The following GALNT2 variants were observed in gnomAD, a reference collection of about 807,000 sequenced individuals.
GALNT2 encodes UDP-GalNAc:polypeptide N-acetylgalactosaminyltransferase 2.
Under a neutral mutation model 81.4 loss-of-function variants are expected in GALNT2, and 31 were observed. That is an observed-to-expected ratio of 0.38 (90% CI 0.29 to 0.51). GALNT2 has a LOEUF of 0.51. Among genes scored for constraint, GALNT2 ranks in the 20% least tolerant of loss-of-function variants. The probability of loss-of-function intolerance (pLI) is 0.87; values close to 1 mark genes in which losing one functional copy is unlikely to be tolerated. For synonymous variants in GALNT2, 303 were observed against 287.4 expected (o/e 1.05, Z -0.55); for missense variants, 629 against 765.7 (o/e 0.82, Z 2.11).
At chr1:230,198,476 A>T in intron 2 of GALNT2, among the ~76,000 whole-genome samples, 1 of 70,062 alleles carries the variant, frequency 1.4e-5, no homozygotes, top group Non-Finnish European at 2.8e-5. Flanking sequence ...CAGGGGCAGG[A>T]CAGCAGCCCA....
intron 1 of GALNT2, among the ~76,000 whole-genome samples, chr1:230,176,191 T>C (rs1376678547): frequency 1.3e-5 from 2 of 151,992 alleles, no homozygotes; most frequent in Admixed American, 6.6e-5. Context: ...CTGCACTAGT[T>C]TTATAGTAGG....
intron 15 of GALNT2, among the ~76,000 whole-genome samples, chr1:230,276,720 C>T (rs1341784226): frequency 3.9e-5 from 6 of 152,168 alleles, no homozygotes; most frequent in African/African-American, 1.2e-4. Flanking sequence ...GCTCACAATC[C>T]GCATCTCTAA....
chr1:230,110,606 A>G (rs1322146213), intron 1 of GALNT2, among the ~76,000 whole-genome samples: 3 of 152,122 alleles, frequency 2.0e-5, no homozygotes, highest in Admixed American at 6.5e-5. Context: ...ATACAGTGAT[A>G]ATGCAGAACT....
intron 1 of GALNT2, among the ~76,000 whole-genome samples, chr1:230,071,739 G>C (rs1214844275): frequency 6.6e-6 from 1 of 152,188 alleles, no homozygotes; most frequent in Non-Finnish European, 1.5e-5. Flanking sequence ...GTTGACACAG[G>C]GAGGACAGTA....
At chr1:230,273,741 T>G (rs985331033) in intron 14 of GALNT2, among the ~76,000 whole-genome samples, 2 of 152,200 alleles carry the variant, frequency 1.3e-5, no homozygotes, top group African/African-American at 4.8e-5. Context: ...CTAGCTCAGT[T>G]TTCTCATCTA....
intron 1 of GALNT2, among the ~76,000 whole-genome samples, chr1:230,143,800 T>G (rs777955237): frequency 3.9e-5 from 6 of 152,224 alleles, no homozygotes; most frequent in Non-Finnish European, 8.8e-5. Flanking sequence ...CCCCCAGCTG[T>G]GACAGGCAGA....
intron 2 of GALNT2, among the ~76,000 whole-genome samples, chr1:230,202,676 G>A (rs1663927323): frequency 6.6e-6 from 1 of 152,150 alleles, no homozygotes; most frequent in Non-Finnish European, 1.5e-5. Flanking sequence ...GTTCTTTAGG[G>A]GTTATTTTTT....
At chr1:230,075,682 G>T (rs1038505608) in intron 1 of GALNT2, among the ~76,000 whole-genome samples, 2 of 152,222 alleles carry the variant, frequency 1.3e-5, no homozygotes, top group African/African-American at 2.4e-5. Context: ...TTTCATTCTA[G>T]TGGGGGGCTG....
intron 1 of GALNT2, among the ~76,000 whole-genome samples, chr1:230,102,784 G>A (rs1460155993): frequency 6.6e-5 from 10 of 152,202 alleles, no homozygotes. Flanking sequence ...ATTCTGTGGG[G>A]TAAATAACAG....
At chr1:230,192,185 G>A (rs934154504) in intron 2 of GALNT2, among the ~76,000 whole-genome samples, 1 of 152,252 alleles carries the variant, frequency 6.6e-6, no homozygotes, top group Non-Finnish European at 1.5e-5. Context: ...ACTTAAAAGT[G>A]AGTTGTCGGG....
intron 3 of GALNT2, among the ~76,000 whole-genome samples, chr1:230,232,198 ACACT>A (rs1476149572): frequency 1.3e-5 from 2 of 152,154 alleles, no homozygotes; most frequent in African/African-American, 2.4e-5. Flanking sequence ...GTACATACAC[ACACT>A]CACTCTAACT....
chr1:230,257,023 G>A lies in GALNT2; in HGVS notation c.1136+1679G>A, dbSNP rs1394119209. Among the ~76,000 whole-genome samples, 1 of 152,216 alleles carries A rather than the reference G, an allele frequency of 6.6e-6. No homozygotes were observed. The highest frequency in any genetic ancestry group is 2.4e-5 in the African/African-American group (1 of 41,458). On this transcript the variant is annotated intron_variant, in intron 11 of 15. Coordinates refer to ENST00000366672, the MANE Select transcript of GALNT2 (RefSeq NM_004481.5). This position sits in a 1 kb window ranked among gnomAD's most constrained non-coding sequence, Gnocchi z 4.6. ...AGGAGGAGCAGATCCAGGCTGCTGA[G>A]GTGCGTTTGGCATATCAGCCAAATG...
At chr1:230,061,910 T>C (rs566636475) in intron 1 of GALNT2, among the ~76,000 whole-genome samples, 19 of 152,362 alleles carry the variant, frequency 1.2e-4, no homozygotes, top group African/African-American at 3.8e-4. Flanking sequence ...ACATGTATGT[T>C]TTCTTCTAGT....
At chr1:230,212,917 G>C (rs985407812) in intron 3 of GALNT2, among the ~76,000 whole-genome samples, 1 of 152,066 alleles carries the variant, frequency 6.6e-6, no homozygotes, top group African/African-American at 2.4e-5. Flanking sequence ...GGTATAAGTA[G>C]ACTGTATTGA....
At chr1:230,156,142 G>C (rs1662244231) in intron 1 of GALNT2, among the ~76,000 whole-genome samples, 2 of 152,048 alleles carry the variant, frequency 1.3e-5, no homozygotes, top group Non-Finnish European at 1.5e-5. Context: ...CCTGGCCTCT[G>C]GGTGGTGATG....
At chr1:230,155,621 G>A (rs1662226352) in intron 1 of GALNT2, among the ~76,000 whole-genome samples, 1 of 152,210 alleles carries the variant, frequency 6.6e-6, no homozygotes, top group Non-Finnish European at 1.5e-5. Flanking sequence ...AGTCCCATGG[G>A]CAGAGCTAGG....
At chr1:230,239,197 T>C (rs1665122416) in intron 6 of GALNT2, among the ~76,000 whole-genome samples, 1 of 152,228 alleles carries the variant, frequency 6.6e-6, no homozygotes, top group African/African-American at 2.4e-5. Flanking sequence ...TTATTTTCTT[T>C]ATCTGTCTGC....
chr1:230,143,705 G>A (rs1485824121), intron 1 of GALNT2, among the ~76,000 whole-genome samples: 1 of 152,244 alleles, frequency 6.6e-6, no homozygotes, highest in African/African-American at 2.4e-5. Flanking sequence ...CCAGGCCTCT[G>A]TTGCTGCTCT....
At chr1:230,072,371 C>CGG (rs113379046) in intron 1 of GALNT2, among the ~76,000 whole-genome samples, 189 of 55,378 alleles carry the variant, frequency 3.4e-3, no homozygotes, top group African/African-American at 7.8e-3. Flanking sequence ...GCGGGGGTGG[C>CGG]GGGGGGTGCG....
Sources: allele counts gnomAD v4.1 joint callset (sites outside exome capture counted in the v4.1 genomes callset), GRCh38; gene constraint gnomAD v4.1.1; non-coding constraint Gnocchi (gnomAD v3.1); transcripts MANE v1.5; gene names NCBI Gene and HGNC (gene_info 2026-07-23, HGNC 2026-07-21).